Variants in ANGPT4 observed in about 807,000 individuals in gnomAD.
ANGPT4 encodes the protein angiopoietin 4, also known as angiopoietin-4.
ANGPT4 carries 50 observed loss-of-function variants against 53.0 expected under a neutral mutation model. The ratio of observed to expected loss-of-function variants is 0.94; its 90% CI spans 0.75 to 1.20. The LOEUF is 1.20. ANGPT4 is among the 50% of genes most tolerant of loss of function. ANGPT4 has a pLI of 0.00. For missense variants in ANGPT4, 648 were observed against 637.1 expected (o/e 1.02, Z -0.18); for synonymous variants, 251 against 259.7 (o/e 0.97, Z 0.32).
intron 1 of ANGPT4, among the ~76,000 whole-genome samples, chr20:892,749 T>A (rs1981896541): frequency 6.6e-6 from 1 of 152,138 alleles, no homozygotes; most frequent in African/African-American, 2.4e-5. Flanking sequence ...CACGGCTCAC[T>A]GCAGCCTGAA....
intron 7 of ANGPT4, among the ~76,000 whole-genome samples, chr20:876,245 G>A (rs1981168682): frequency 6.6e-6 from 1 of 152,104 alleles, no homozygotes; most frequent in South Asian, 2.1e-4. Flanking sequence ...CCTCAGGGCA[G>A]GGCCTGAGAA....
Position 911,234 on chromosome 20 carries a change from G to C in ANGPT4, c.309+4672C>G, listed in dbSNP as rs1982683439. 6.6e-6 allele frequency among the ~76,000 whole-genome samples: 1 copy of C among 152,208 alleles called. No homozygotes were observed. On this transcript the variant is annotated intron_variant, in intron 1 of 8. Transcript: ENST00000381922. The surrounding 1 kb of genome is among the most constrained non-coding windows in gnomAD (Gnocchi z 4.9). Reference sequence around the variant, plus strand: ...GTTAGGCAGGGCCTCACAACTGCCAGGCCGAGGGGCCCAGTTATTCTGAGG... The same window carrying C: ...GTTAGGCAGGGCCTCACAACTGCCACGCCGAGGGGCCCAGTTATTCTGAGG...
chr20:904,608 G>C (rs1244578054), intron 1 of ANGPT4, among the ~76,000 whole-genome samples: 1 of 152,214 alleles, frequency 6.6e-6, no homozygotes, highest in Non-Finnish European at 1.5e-5. Flanking sequence ...CTTCAAAGTA[G>C]AGTGAAATCA....
In ANGPT4 at chr20:885,107, A is replaced by C; in HGVS notation, c.806T>G (p.Val269Gly). The C allele has an allele frequency of 6.2e-7, 1 of 1,613,588 alleles. No homozygotes were observed. ...RQLLVLLRHL[V>G]QERANASAPA... ...GGCCGAGGCGTTAGCCCTTTCTTGC[A>C]CCAGGTGCCGCAACAACACCAGCAG... Residue 269 changes from valine (V) to glycine (G), a missense_variant, in exon 4 of 9, where the codon GTG (valine) becomes GGG (glycine). Coordinates refer to ENST00000381922, the MANE Select transcript of ANGPT4 (RefSeq NM_015985.4).
rs1980987260 is a variant in ANGPT4 at position 872,707 on chromosome 20, T to C, written c.*253A>G. ...CTGTGACCCTCAGGCAGGGAGCCCC[T>C]GAAGGGGGAGGGAGAGAAGAGGGGC... On this transcript the variant is annotated 3_prime_UTR_variant, in exon 9 of 9. Coordinates refer to ENST00000381922, the MANE Select transcript of ANGPT4 (RefSeq NM_015985.4). 4.0e-6 allele frequency: 2 copies of C among 497,138 alleles called. No individual in the cohort carries two copies. The highest frequency in any genetic ancestry group is 7.3e-6 in the Non-Finnish European group (2 of 275,148). 30.8% of individuals were successfully genotyped at this position (497,138 alleles called of 1,614,324 possible).
Position 911,927 on chromosome 20 carries a change from G to A in ANGPT4, c.309+3979C>T, listed in dbSNP as rs1284968658. Among the ~76,000 whole-genome samples, 3 of 152,002 alleles carry A rather than the reference G, an allele frequency of 2.0e-5. No homozygotes were observed. The highest frequency in any genetic ancestry group is 2.1e-4 in the South Asian group (1 of 4,812). ...TAGACAGGGAGATAGGCAGAGAGAG[G>A]GCTGCCATGGACCCCAGGCCAGCAG... On this transcript the variant is annotated intron_variant, in intron 1 of 8. Coordinates refer to ENST00000381922, the MANE Select transcript of ANGPT4 (RefSeq NM_015985.4). The surrounding 1 kb of genome is among the most constrained non-coding windows in gnomAD (Gnocchi z 4.9).
chr20:878,061 T>G, intron 7 of ANGPT4, 100 bp downstream of exon 7: 1 of 1,342,884 alleles, frequency 7.4e-7, no homozygotes, highest in Non-Finnish European at 1.0e-6. Flanking sequence ...ACCCAGAGAC[T>G]GACCGTTGGA....
At chr20:912,263 T>C (rs1982732049) in intron 1 of ANGPT4, among the ~76,000 whole-genome samples, 1 of 152,194 alleles carries the variant, frequency 6.6e-6, no homozygotes. Context: ...GTGCAGAGGC[T>C]TTCTCTGCTC....
At chr20:878,088 C>G in intron 7 of ANGPT4, 73 bp downstream of exon 7, 1 of 1,497,666 alleles carries the variant, frequency 6.7e-7, no homozygotes, top group South Asian at 1.3e-5. Context: ...TCTGTAGACA[C>G]TAGCCTGGGG....
Position 878,152 on chromosome 20 carries a change from C to T in ANGPT4, c.1220+9G>A, listed in dbSNP as rs919684506. The T allele has an allele frequency of 1.2e-5, 19 of 1,581,910 alleles. No individual in the cohort carries two copies. The highest frequency in any genetic ancestry group is 2.2e-5 in the South Asian group (2 of 89,520). On this transcript the variant is annotated intron_variant, in intron 7 of 8. Transcript: ENST00000381922. ...CCAGCCCCCACAACGGCCTGGGCCC[C>T]GAACCCACCTGTATAGCTGGTTCTC...
chr20:881,406 G>A, intron 4 of ANGPT4, 120 bp from the exon 5 acceptor site: 1 of 812,690 alleles, frequency 1.2e-6, no homozygotes, highest in East Asian at 2.6e-5. Flanking sequence ...GGGACAGGGA[G>A]ATGAGTCAGA....
At chr20:877,393 G>A (rs1158072953) in intron 7 of ANGPT4, among the ~76,000 whole-genome samples, 3 of 152,214 alleles carry the variant, frequency 2.0e-5, no homozygotes, top group Non-Finnish European at 4.4e-5. Context: ...GCAATATCAT[G>A]TTGTGGAGAC....
Position 885,301 on chromosome 20 carries a change from G to T in ANGPT4, c.612C>A (p.Ala204=), listed in dbSNP as rs777722836. The T allele has an allele frequency of 3.1e-5, 49 of 1,584,930 alleles. No individual in the cohort carries two copies. The highest frequency in any genetic ancestry group is 4.1e-5 in the Non-Finnish European group (48 of 1,169,190). The part of the protein sequence containing the change: ...QNSALEKRLQ[A]LETKQQEELA... ...GCTCCTCCTGCTGCTTGGTCTCCAG[G>T]GCCTGCAACCGCTTCTCGAGCGCGC... The change falls in exon 4 of 9, where the codon GCC becomes GCA. Residue 204 remains alanine, a synonymous_variant. Transcript: ENST00000381922.
chr20:885,001 C>G, intron 4 of ANGPT4, 77 bp downstream of exon 4: 2 of 1,585,638 alleles, frequency 1.3e-6, no homozygotes, highest in South Asian at 1.1e-5. Flanking sequence ...GCCCAGAGAC[C>G]CTGGAGGGTG....
chr20:913,730 G>A (rs1454113463), intron 1 of ANGPT4, among the ~76,000 whole-genome samples: 2 of 152,222 alleles, frequency 1.3e-5, no homozygotes, highest in East Asian at 3.8e-4. Context: ...AGCATCCTGG[G>A]AAAGATGACG....
At chr20:888,901 C>T (rs115841001) in intron 2 of ANGPT4, among the ~76,000 whole-genome samples, 2,501 of 152,300 alleles carry the variant, frequency 0.016, 63 homozygotes, top group African/African-American at 0.057. Context: ...TCTCATGTAG[C>T]GGAAATGCCC....
intron 1 of ANGPT4, among the ~76,000 whole-genome samples, chr20:904,885 C>T (rs777306641): frequency 1.2e-4 from 19 of 152,182 alleles, no homozygotes; most frequent in Non-Finnish European, 2.4e-4. Flanking sequence ...TCCCACCTCA[C>T]CTCAGCCTCC....
Position 881,306 on chromosome 20 carries a change from A to C in ANGPT4, c.836-20T>G. ...TGAAGGCTGCAAAGGGACAACACAA[A>C]AGTCAGTTGGAGGTGGGCAAGGAAA... On this transcript the variant is annotated intron_variant, in intron 4 of 8. Coordinates refer to ENST00000381922, the MANE Select transcript of ANGPT4 (RefSeq NM_015985.4). The C allele has an allele frequency of 1.9e-6, 3 of 1,607,024 alleles. No individual in the cohort carries two copies. The highest frequency in any genetic ancestry group is 2.6e-6 in the Non-Finnish European group (3 of 1,173,682).
chr20:873,142 G>C (rs763868544), intron 8 of ANGPT4, 22 bp from the exon 9 acceptor site: 1 of 1,611,948 alleles, frequency 6.2e-7, no homozygotes, highest in African/African-American at 1.3e-5. Flanking sequence ...GGGAGGACAG[G>C]CGCTTGGTGG....
Sources: allele counts gnomAD v4.1 joint callset (sites outside exome capture counted in the v4.1 genomes callset), GRCh38; gene constraint gnomAD v4.1.1; non-coding constraint Gnocchi (gnomAD v3.1); transcripts MANE v1.5; gene names NCBI Gene and HGNC (gene_info 2026-07-23, HGNC 2026-07-21).